Variants in CSGALNACT1 observed in about 807,000 individuals in gnomAD.
CSGALNACT1 encodes chondroitin sulfate N-acetylgalactosaminyltransferase 1.
In CSGALNACT1, 52 loss-of-function variants were observed where a neutral mutation model predicts 51.0. The ratio of observed to expected loss-of-function variants is 1.02; its 90% CI spans 0.82 to 1.29. The LOEUF (loss-of-function observed/expected upper bound fraction) is 1.29, where lower values mean the gene tolerates loss of function less well. CSGALNACT1 is among the 50% of genes most tolerant of loss of function. The probability of loss-of-function intolerance (pLI) is 0.00; values close to 1 mark genes in which losing one functional copy is unlikely to be tolerated. For synonymous variants in CSGALNACT1, 341 were observed against 254.4 expected, an observed-to-expected ratio of 1.34 and a Z score of -3.24; for missense variants, 935 against 679.2, an observed-to-expected ratio of 1.38 and a Z score of -4.19.
intron 3 of CSGALNACT1, among the ~76,000 whole-genome samples, chr8:19,535,029 T>G (rs1241136959): frequency 6.6e-6 from 1 of 152,100 alleles, no homozygotes; most frequent in African/African-American, 2.4e-5. Flanking sequence ...AAAGACAGAG[T>G]TAGCAGTGAG....
chr8:19,518,018 G>C (rs973348881), intron 3 of CSGALNACT1, among the ~76,000 whole-genome samples: 16 of 152,204 alleles, frequency 1.1e-4, no homozygotes, highest in Non-Finnish European at 2.2e-4. Context: ...ACTCAGGAAA[G>C]TAAGCACCTG....
chr8:19,576,058 A>G (rs2044136725), intron 3 of CSGALNACT1, among the ~76,000 whole-genome samples: 1 of 152,078 alleles, frequency 6.6e-6, no homozygotes. Flanking sequence ...GAGAGACGGG[A>G]GTGGGTGCTG....
rs866970418 is a variant in CSGALNACT1 at position 19,598,441 on chromosome 8, A to C, written c.-416+3330T>G. On this transcript the variant is annotated intron_variant, in intron 2 of 9. Transcript: ENST00000454498. ...AAAATATTTTAAAAGTCTAAAACACATCCAAAGGAAGGCCACTTTATAAAA... is the reference window on the plus strand; with the variant it reads ...AAAATATTTTAAAAGTCTAAAACACCTCCAAAGGAAGGCCACTTTATAAAA... Among the ~76,000 whole-genome samples the C allele has an allele frequency of 5.9e-5, 9 of 152,336 alleles. 1 individual carries two copies. In the Middle Eastern group the frequency reaches 0.014, roughly 230 times the overall value.
chr8:19,445,092 G>A (rs1438068255), intron 5 of CSGALNACT1, among the ~76,000 whole-genome samples: 1 of 151,524 alleles, frequency 6.6e-6, no homozygotes, highest in African/African-American at 2.4e-5. Context: ...AGGGAATAGA[G>A]GCCTAGGATG....
chr8:19,599,998 G>T (rs2050052253), intron 2 of CSGALNACT1, among the ~76,000 whole-genome samples: 1 of 152,184 alleles, frequency 6.6e-6, no homozygotes, highest in South Asian at 2.1e-4. Context: ...GTGCAGTAGG[G>T]ATAGCCTTGT....
chr8:19,508,471 C>T (rs1287802471), intron 3 of CSGALNACT1, among the ~76,000 whole-genome samples: 1 of 152,166 alleles, frequency 6.6e-6, no homozygotes. Flanking sequence ...CCCTGGAAGC[C>T]TTTTCCATCT....
intron 1 of CSGALNACT1, among the ~76,000 whole-genome samples, chr8:19,648,782 C>T (rs995293348): frequency 8.5e-5 from 13 of 152,104 alleles, no homozygotes; most frequent in Non-Finnish European, 1.3e-4. Context: ...CTCCAGCCTG[C>T]GTGACAGAGT....
intron 1 of CSGALNACT1, among the ~76,000 whole-genome samples, chr8:19,671,297 C>A (rs1052864842): frequency 8.5e-5 from 13 of 152,206 alleles, no homozygotes; most frequent in African/African-American, 2.7e-4. Flanking sequence ...GGCTTTGATT[C>A]TGCTCTCTTC....
chr8:19,423,742 C>T (rs1012140579), intron 6 of CSGALNACT1, among the ~76,000 whole-genome samples: 25 of 152,138 alleles, frequency 1.6e-4, no homozygotes, highest in African/African-American at 5.3e-4. Flanking sequence ...CTGGGGAACA[C>T]TTTATATGGC....
At chr8:19,520,672 C>T (rs1467525863) in intron 3 of CSGALNACT1, among the ~76,000 whole-genome samples, 1 of 152,216 alleles carries the variant, frequency 6.6e-6, no homozygotes, top group Admixed American at 6.5e-5. Context: ...GTTGAACATT[C>T]CACTAATATG....
intron 6 of CSGALNACT1, among the ~76,000 whole-genome samples, chr8:19,430,833 T>C (rs2059548018): frequency 1.3e-5 from 2 of 152,176 alleles, no homozygotes. Flanking sequence ...GTCTTTCCAT[T>C]TATTTAGGCC....
At chr8:19,677,986 G>T (rs753537543) in intron 1 of CSGALNACT1, among the ~76,000 whole-genome samples, 1 of 152,000 alleles carries the variant, frequency 6.6e-6, no homozygotes, top group African/African-American at 2.4e-5. Context: ...TGTGGTGGTG[G>T]GCACCTATAA....
At chr8:19,621,639 G>A (rs1475732773) in intron 1 of CSGALNACT1, among the ~76,000 whole-genome samples, 1 of 151,984 alleles carries the variant, frequency 6.6e-6, no homozygotes. Context: ...ACATTAGCCA[G>A]GTGTGGTGGC....
intron 3 of CSGALNACT1, among the ~76,000 whole-genome samples, chr8:19,524,198 G>T (rs1454580234): frequency 6.6e-6 from 1 of 152,088 alleles, no homozygotes; most frequent in African/African-American, 2.4e-5. Context: ...GATGAGGCAG[G>T]AGGATCGCTT....
intron 1 of CSGALNACT1, among the ~76,000 whole-genome samples, chr8:19,724,159 T>C (rs1311305014): frequency 2.6e-5 from 4 of 152,174 alleles, no homozygotes; most frequent in Non-Finnish European, 5.9e-5. Flanking sequence ...TTGTATCAGT[T>C]TCCCAGGGCT....
At chr8:19,406,221 T>C in intron 9 of CSGALNACT1, 152 bp from the exon 9 acceptor site, 1 of 901,120 alleles carries the variant, frequency 1.1e-6, no homozygotes, top group African/African-American at 1.6e-5. Context: ...TCCACCTGGG[T>C]CAGAAGCCCC....
At chr8:19,662,064 A>ACCCCCCCCCC (rs1281131821) in intron 1 of CSGALNACT1, among the ~76,000 whole-genome samples, 33 of 37,114 alleles carry the variant, frequency 8.9e-4, no homozygotes, top group East Asian at 2.0e-3. Context: ...AGTTGCCCCC[A>ACCCCCCCCCC]CCCCCCCCCA....
intron 1 of CSGALNACT1, among the ~76,000 whole-genome samples, chr8:19,616,688 C>G (rs1186264551): frequency 6.6e-6 from 1 of 152,110 alleles, no homozygotes; most frequent in Non-Finnish European, 1.5e-5. Flanking sequence ...CTCATTCTCT[C>G]TCTCTCTCTC....
chr8:19,632,758 A>G (rs2055456430), intron 1 of CSGALNACT1, among the ~76,000 whole-genome samples: 1 of 151,922 alleles, frequency 6.6e-6, no homozygotes, highest in Admixed American at 6.6e-5. Context: ...CATTCTGCTG[A>G]GTCTTTTACT....
Sources: allele counts gnomAD v4.1 joint callset (sites outside exome capture counted in the v4.1 genomes callset), GRCh38; gene constraint gnomAD v4.1.1; transcripts MANE v1.5; gene names NCBI Gene and HGNC (gene_info 2026-07-23, HGNC 2026-07-21).